Variants in PPM1E observed in about 807,000 individuals in gnomAD.
PPM1E encodes the protein protein phosphatase 1E.
PPM1E carries 20 observed loss-of-function variants against 65.9 expected under a neutral mutation model. That is an observed-to-expected ratio of 0.30 (90% CI 0.21 to 0.44). The LOEUF is 0.44. Among genes scored for constraint, PPM1E ranks in the 20% least tolerant of loss-of-function variants. The pLI, the probability that PPM1E is intolerant of heterozygous loss-of-function variation, is 1.00. For synonymous variants in PPM1E, 352 were observed against 374.9 expected (o/e 0.94, Z 0.70); for missense variants, 713 against 953.1 (o/e 0.75, Z 3.32).
At chr17:58,880,166 C>A (rs2037705497) in intron 1 of PPM1E, among the ~76,000 whole-genome samples, 1 of 152,172 alleles carries the variant, frequency 6.6e-6, no homozygotes, top group African/African-American at 2.4e-5. Context: ...CCTTTGGTCT[C>A]AACTTCATCC....
At chr17:58,920,210 TC>T (rs2051735200) in intron 1 of PPM1E, among the ~76,000 whole-genome samples, 1 of 152,170 alleles carries the variant, frequency 6.6e-6, no homozygotes, top group South Asian at 2.1e-4. Context: ...TTACTGTCCT[TC>T]CTTCCACACC....
chr17:58,828,043 A>G (rs1403062285), intron 1 of PPM1E, among the ~76,000 whole-genome samples: 1 of 149,698 alleles, frequency 6.7e-6, no homozygotes, highest in Non-Finnish European at 1.5e-5. Flanking sequence ...ACATGGTGAA[A>G]CCCCGTGTCT....
chr17:58,980,873 C>T lies in PPM1E; in HGVS notation c.2110C>T (p.Leu704=). The change falls in exon 7 of 7, where the codon CTG becomes TTG. Residue 704 remains leucine, a synonymous_variant. Transcript: ENST00000308249. The surrounding 1 kb of genome is among the most constrained non-coding windows in gnomAD (Gnocchi z 4.7). ...QEPSHKIGTS[L]SSLTGSGKRN... The stretch of plus-strand genomic sequence containing the variant: ...GCCTTCCCACAAAATAGGCACTAGC[C>T]TGTCCTCACTTACTGGAAGTGGGAA... 1 of 1,614,212 alleles carries T rather than the reference C, an allele frequency of 6.2e-7. No individual in the cohort carries two copies. Among genetic ancestry groups the T allele is most frequent in the African/African-American group, 1.3e-5 (1 of 75,070 alleles).
In PPM1E at chr17:58,916,713, C is replaced by T. The variant is rs559751453; in HGVS notation, c.465-38936C>T. Reference sequence around the variant, plus strand: ...TCCCTACCTGTAAATTGAAAGTTGGCCAGATGACTTCTGTGGTTCCTTCCA... The same window carrying T: ...TCCCTACCTGTAAATTGAAAGTTGGTCAGATGACTTCTGTGGTTCCTTCCA... On this transcript the variant is annotated intron_variant, in intron 1 of 6. Coordinates refer to ENST00000308249, the MANE Select transcript of PPM1E (RefSeq NM_014906.5). 2.0e-5 allele frequency among the ~76,000 whole-genome samples: 3 copies of T among 152,206 alleles called. No individual in the cohort carries two copies. The East Asian group carries it at 5.8e-4, about 29-fold the overall frequency.
intron 1 of PPM1E, among the ~76,000 whole-genome samples, chr17:58,837,573 C>T (rs2050676166): frequency 6.6e-6 from 1 of 150,850 alleles, no homozygotes; most frequent in Admixed American, 6.6e-5. Flanking sequence ...TCTCTGCTCA[C>T]TGCAACCTCT....
intron 6 of PPM1E, 147 bp from the exon 7 acceptor site, chr17:58,979,827 G>T: frequency 1.5e-6 from 1 of 661,712 alleles, no homozygotes; most frequent in Non-Finnish European, 2.5e-6. Flanking sequence ...TAAGTATTTT[G>T]TCAAAAACTA....
chr17:58,811,964 C>T (rs368800446), intron 1 of PPM1E, among the ~76,000 whole-genome samples: 4 of 151,960 alleles, frequency 2.6e-5, no homozygotes, highest in African/African-American at 9.7e-5. Context: ...ACACTGCTCC[C>T]GGCCAATTTA....
intron 1 of PPM1E, among the ~76,000 whole-genome samples, chr17:58,816,959 C>T (rs1207205422): frequency 2.6e-5 from 4 of 151,388 alleles, no homozygotes; most frequent in East Asian, 1.9e-4. Flanking sequence ...CCATGCCTGG[C>T]TAATTTTTTT....
chr17:58,845,024 T>G (rs762091052), intron 1 of PPM1E, among the ~76,000 whole-genome samples: 1 of 152,234 alleles, frequency 6.6e-6, no homozygotes, highest in Non-Finnish European at 1.5e-5. Flanking sequence ...AGTATTGCAG[T>G]CTGGGAATGG....
chr17:58,911,312 G>A (rs1295704183), intron 1 of PPM1E, among the ~76,000 whole-genome samples: 1 of 152,144 alleles, frequency 6.6e-6, no homozygotes, highest in African/African-American at 2.4e-5. Context: ...ACCAAAGCTG[G>A]AAGTCTTCCC....
At chr17:58,850,727 A>T (rs2050818360) in intron 1 of PPM1E, among the ~76,000 whole-genome samples, 1 of 151,992 alleles carries the variant, frequency 6.6e-6, no homozygotes, top group Non-Finnish European at 1.5e-5. Flanking sequence ...CTTCATTTCA[A>T]CTTTGGTGAA....
chr17:58,919,382 T>C (rs2051723645), intron 1 of PPM1E, among the ~76,000 whole-genome samples: 1 of 152,228 alleles, frequency 6.6e-6, no homozygotes, highest in African/African-American at 2.4e-5. Flanking sequence ...AAATATTTAC[T>C]GAGTACCTTC....
At chr17:58,963,794 C>T (rs2030122807) in intron 2 of PPM1E, among the ~76,000 whole-genome samples, 1 of 152,150 alleles carries the variant, frequency 6.6e-6, no homozygotes, top group South Asian at 2.1e-4. Flanking sequence ...AAGGCTGAGG[C>T]AGGAGAATGG....
intron 1 of PPM1E, among the ~76,000 whole-genome samples, chr17:58,944,395 A>T (rs1364642907): frequency 3.3e-5 from 5 of 152,122 alleles, no homozygotes; most frequent in Non-Finnish European, 5.9e-5. Context: ...AAGGATTTTA[A>T]TACAGTCACA....
chr17:58,786,750 A>C (rs992202035), intron 1 of PPM1E, among the ~76,000 whole-genome samples: 1 of 152,206 alleles, frequency 6.6e-6, no homozygotes, highest in Admixed American at 6.5e-5. Context: ...CCACCGTTAC[A>C]CAACTTCCAT....
intron 1 of PPM1E, among the ~76,000 whole-genome samples, chr17:58,916,455 C>A (rs898579595): frequency 1.5e-4 from 23 of 152,190 alleles, no homozygotes; most frequent in African/African-American, 5.1e-4. Context: ...GATGAGCTTG[C>A]TGTCATTTAA....
intron 1 of PPM1E, among the ~76,000 whole-genome samples, chr17:58,873,245 A>G (rs2051090788): frequency 6.6e-6 from 1 of 152,150 alleles, no homozygotes; most frequent in South Asian, 2.1e-4. Context: ...TGCTGCATAT[A>G]TATGCACAGA....
At position 58,940,563 on chromosome 17, in the gene PPM1E, G is replaced by A. The variant is rs112739439; in HGVS notation, c.465-15086G>A. Among the ~76,000 whole-genome samples the A allele has an allele frequency of 9.3e-4, 142 of 152,198 alleles. 1 individual carries two copies. The highest frequency in any genetic ancestry group is 3.3e-3 in the African/African-American group (139 of 41,526). On this transcript the variant is annotated intron_variant, in intron 1 of 6. Coordinates refer to ENST00000308249, the MANE Select transcript of PPM1E (RefSeq NM_014906.5). ...CAGATGACACATTAATGAGACTAAT[G>A]GTTCTTGCCTTATTCTCTAAAGTTT...
intron 6 of PPM1E, among the ~76,000 whole-genome samples, chr17:58,973,950 TC>T (rs1369538298): frequency 2.3e-5 from 1 of 44,098 alleles, no homozygotes. Flanking sequence ...AGACTCCATC[TC>T]AAAAAAAAAA....
Sources: gnomAD v4.1 joint callset for allele counts (sites outside exome capture counted in the v4.1 genomes callset) on GRCh38, gnomAD v4.1.1 for gene constraint, Gnocchi (gnomAD v3.1) non-coding constraint, MANE v1.5 for transcripts, NCBI Gene and HGNC (gene_info 2026-07-23, HGNC 2026-07-21) for gene names.